The following ADGRB3 variants were observed in gnomAD, a reference collection of about 807,000 sequenced individuals.
ADGRB3 encodes the protein brain-specific angiogenesis inhibitor 3.
ADGRB3 carries 37 observed loss-of-function variants against 193.4 expected under a neutral mutation model. That is an observed-to-expected ratio of 0.19 (90% CI 0.15 to 0.25). The LOEUF (loss-of-function observed/expected upper bound fraction) is 0.25. Among genes scored for constraint, ADGRB3 ranks in the 10% least tolerant of loss-of-function variants. The probability of loss-of-function intolerance (pLI) is 1.00; values close to 1 mark genes in which losing one functional copy is unlikely to be tolerated. For synonymous variants in ADGRB3, 690 were observed against 644.2 expected, an observed-to-expected ratio of 1.07 and a Z score of -1.08; for missense variants, 1,637 against 1,852.9, an observed-to-expected ratio of 0.88 and a Z score of 2.14.
intron 3 of ADGRB3, among the ~76,000 whole-genome samples, chr6:68,741,106 A>T (rs1765971998): frequency 6.6e-6 from 1 of 152,202 alleles, no homozygotes; most frequent in Admixed American, 6.5e-5. Context: ...GGAAAAAAAA[A>T]TGAAACAAAT....
chr6:69,255,730 G>T (rs1321025626), intron 20 of ADGRB3, among the ~76,000 whole-genome samples: 3 of 152,042 alleles, frequency 2.0e-5, no homozygotes, highest in Non-Finnish European at 2.9e-5. Flanking sequence ...GTCAATTTTG[G>T]CTTTTGTTGC....
chr6:68,714,277 T>G (rs1305353933), intron 3 of ADGRB3, among the ~76,000 whole-genome samples: 1 of 151,832 alleles, frequency 6.6e-6, no homozygotes, highest in Non-Finnish European at 1.5e-5. Context: ...CAGGGTAGTC[T>G]GACAACCTAA....
chr6:69,207,916 G>A (rs1765573154), intron 17 of ADGRB3, among the ~76,000 whole-genome samples: 1 of 152,174 alleles, frequency 6.6e-6, no homozygotes, highest in African/African-American at 2.4e-5. Context: ...GGCAAACCCA[G>A]TGGGGACAAA....
At chr6:69,352,941 G>A (rs1769258382) in intron 26 of ADGRB3, among the ~76,000 whole-genome samples, 1 of 152,138 alleles carries the variant, frequency 6.6e-6, no homozygotes, top group Admixed American at 6.5e-5. Context: ...CATCATCTAT[G>A]ATTTGTTTTT....
intron 20 of ADGRB3, among the ~76,000 whole-genome samples, chr6:69,280,094 G>A (rs892063619): frequency 6.6e-6 from 1 of 152,108 alleles, no homozygotes; most frequent in Admixed American, 6.6e-5. Flanking sequence ...AAGGAGGAAG[G>A]GAAAGAAACT....
intron 29 of ADGRB3, among the ~76,000 whole-genome samples, chr6:69,362,852 A>C (rs1769482006): frequency 6.6e-6 from 1 of 152,040 alleles, no homozygotes; most frequent in Admixed American, 6.6e-5. Context: ...TGACCACATA[A>C]GAACAAACTA....
At chr6:69,088,770 T>G (rs1772624923) in intron 17 of ADGRB3, among the ~76,000 whole-genome samples, 1 of 152,218 alleles carries the variant, frequency 6.6e-6, no homozygotes, top group Admixed American at 6.5e-5. Context: ...TACAAAGTGA[T>G]TCCGTGTTCA....
chr6:68,739,144 C>A (rs894752885), intron 3 of ADGRB3, among the ~76,000 whole-genome samples: 2 of 152,140 alleles, frequency 1.3e-5, no homozygotes, highest in Non-Finnish European at 2.9e-5. Context: ...ACCTTACCAA[C>A]AATACTTTAC....
At chr6:68,966,700 T>C (rs1435629674) in intron 8 of ADGRB3, among the ~76,000 whole-genome samples, 1 of 152,212 alleles carries the variant, frequency 6.6e-6, no homozygotes, top group African/African-American at 2.4e-5. Context: ...CTGTGTACTG[T>C]AATTCCTCAA....
intron 17 of ADGRB3, among the ~76,000 whole-genome samples, chr6:69,216,737 A>C (rs1413164031): frequency 1.3e-5 from 2 of 152,232 alleles, no homozygotes; most frequent in African/African-American, 4.8e-5. Flanking sequence ...CAGAATAACC[A>C]GAAAGAGGCT....
At chr6:69,317,981 A>C (rs1223603398) in intron 20 of ADGRB3, among the ~76,000 whole-genome samples, 2 of 151,574 alleles carry the variant, frequency 1.3e-5, no homozygotes, top group East Asian at 3.9e-4. Context: ...GATTCTTTTT[A>C]CTATTTCTAA....
intron 17 of ADGRB3, among the ~76,000 whole-genome samples, chr6:69,113,472 TA>T (rs1181635008): frequency 6.6e-6 from 1 of 152,096 alleles, no homozygotes; most frequent in East Asian, 1.9e-4. Context: ...ACTCAAGTTC[TA>T]AAAAAACTAA....
chr6:69,294,865 G>A (rs1282744738), intron 20 of ADGRB3, among the ~76,000 whole-genome samples: 4 of 152,072 alleles, frequency 2.6e-5, no homozygotes, highest in African/African-American at 9.7e-5. Context: ...AAGATTGTGT[G>A]TTTTGAAAAT....
At chr6:68,717,547 TC>T (rs1339705409) in intron 3 of ADGRB3, among the ~76,000 whole-genome samples, 3 of 151,620 alleles carry the variant, frequency 2.0e-5, no homozygotes, top group African/African-American at 7.3e-5. Flanking sequence ...GAAAAGTGAT[TC>T]TACTTATAAG....
At chr6:68,806,587 A>C (rs1767405142) in intron 3 of ADGRB3, among the ~76,000 whole-genome samples, 1 of 151,882 alleles carries the variant, frequency 6.6e-6, no homozygotes, top group Non-Finnish European at 1.5e-5. Context: ...TCTCTTGAAC[A>C]TTTTAAATAT....
At chr6:69,052,952 G>A (rs933818769) in intron 15 of ADGRB3, among the ~76,000 whole-genome samples, 3 of 152,204 alleles carry the variant, frequency 2.0e-5, no homozygotes, top group South Asian at 4.1e-4. Flanking sequence ...TTGGGAGGCC[G>A]AGGCGGGTGG....
intron 12 of ADGRB3, among the ~76,000 whole-genome samples, chr6:69,015,119 C>T (rs1170710270): frequency 1.3e-5 from 2 of 152,000 alleles, no homozygotes; most frequent in Non-Finnish European, 2.9e-5. Context: ...CTCATTCACT[C>T]ACTGTAAGAA....
At chr6:69,247,127 T>C (rs1166785333) in intron 20 of ADGRB3, among the ~76,000 whole-genome samples, 1 of 152,140 alleles carries the variant, frequency 6.6e-6, no homozygotes, top group Non-Finnish European at 1.5e-5. Context: ...TCATCCTCCA[T>C]ATCACTTTGA....
rs115897831 is a variant in ADGRB3, at chr6:68,979,675, C to T, written c.1734+4335C>T. ...AAAAAGTAAACATAATTGCAGAATT[C>T]TTGAAAAATAGGCACAGGAGTCAAA... On this transcript the variant is annotated intron_variant, in intron 10 of 31. Coordinates refer to ENST00000370598, the MANE Select transcript of ADGRB3 (RefSeq NM_001704.3). Among the ~76,000 whole-genome samples, 904 of 151,316 alleles carry T rather than the reference C, an allele frequency of 6.0e-3. 13 individuals carry two copies. The highest frequency in any genetic ancestry group is 0.02 in the African/African-American group (836 of 41,446).
Sources: gnomAD v4.1 joint callset for allele counts (sites outside exome capture counted in the v4.1 genomes callset) on GRCh38, gnomAD v4.1.1 for gene constraint, MANE v1.5 for transcripts, NCBI Gene and HGNC (gene_info 2026-07-23, HGNC 2026-07-21) for gene names.